NBAS: variants seen among roughly 807,000 people sequenced by gnomAD.
NBAS encodes NBAS subunit of NRZ tethering complex.
A neutral mutation model predicts 302.5 loss-of-function variants in NBAS; 219 were observed. The observed-to-expected ratio is 0.72, with a 90% CI of 0.65 to 0.81. The LOEUF (loss-of-function observed/expected upper bound fraction) is 0.81. NBAS is among the 30% of genes least tolerant of loss of function. NBAS has a pLI of 0.00. For synonymous variants in NBAS, 1,118 were observed against 1,021.6 expected, an observed-to-expected ratio of 1.09 and a Z score of -1.80; for missense variants, 2,932 against 2,841.6, an observed-to-expected ratio of 1.03 and a Z score of -0.72.
chr2:15,524,223 C>T (rs776385623), intron 9 of NBAS, among the ~76,000 whole-genome samples: 5 of 152,172 alleles, frequency 3.3e-5, no homozygotes, highest in Non-Finnish European at 4.4e-5. Flanking sequence ...CATCATGCTG[C>T]CCTATTCGGG....
chr2:15,382,209 G>A (rs529015434), intron 29 of NBAS, among the ~76,000 whole-genome samples: 20 of 152,150 alleles, frequency 1.3e-4, no homozygotes, highest in Non-Finnish European at 2.5e-4. Context: ...GGACACACGC[G>A]TGCACGCACA....
chr2:14,862,739 G>A, the NBAS span, among the ~76,000 whole-genome samples: 1 of 152,212 alleles, frequency 6.6e-6, no homozygotes, highest in Non-Finnish European at 1.5e-5. Flanking sequence ...TTAAGGTAAT[G>A]TTAGATGCTA....
chr2:15,397,444 C>T, intron 26 of NBAS: 2 of 454,664 alleles, frequency 4.4e-6, no homozygotes, highest in Admixed American at 5.5e-5. Flanking sequence ...CTTACATGGG[C>T]TTTGGTGGGG....
chr2:15,211,578 T>C (rs1666413049), intron 48 of NBAS, among the ~76,000 whole-genome samples: 1 of 152,222 alleles, frequency 6.6e-6, no homozygotes, highest in African/African-American at 2.4e-5. Flanking sequence ...GTGACAATTT[T>C]TTTTCCTTTT....
chr2:15,067,672 T>G, the NBAS span, among the ~76,000 whole-genome samples: 2 of 151,336 alleles, frequency 1.3e-5, 1 homozygote, highest in South Asian at 4.2e-4. Flanking sequence ...TTAGGGGCTG[T>G]GGGGGAGGGG....
At chr2:15,323,524 G>C (rs1259723705) in intron 38 of NBAS, among the ~76,000 whole-genome samples, 1 of 152,128 alleles carries the variant, frequency 6.6e-6, no homozygotes. Context: ...TCTTCACTAT[G>C]GTTTCACAAC....
At chr2:14,963,912 C>T in the NBAS span, among the ~76,000 whole-genome samples, 17 of 152,216 alleles carry the variant, frequency 1.1e-4, no homozygotes, top group Non-Finnish European at 2.5e-4. Flanking sequence ...TGGAACATCT[C>T]ATAATTCATG....
intron 26 of NBAS, among the ~76,000 whole-genome samples, chr2:15,399,555 C>G (rs867520612): frequency 6.6e-6 from 1 of 152,064 alleles, no homozygotes; most frequent in Non-Finnish European, 1.5e-5. Context: ...TGTGAGGTAG[C>G]CTGTGTTCAG....
the NBAS span, among the ~76,000 whole-genome samples, chr2:15,107,636 A>G: frequency 6.6e-6 from 1 of 152,146 alleles, no homozygotes; most frequent in Non-Finnish European, 1.5e-5. Flanking sequence ...TTGACCACCT[A>G]CTATGTGCCA....
At chr2:15,531,807 C>T (rs889607980) in intron 9 of NBAS, among the ~76,000 whole-genome samples, 1 of 152,174 alleles carries the variant, frequency 6.6e-6, no homozygotes, top group African/African-American at 2.4e-5. Flanking sequence ...ATACCCTCAC[C>T]TATTCCAAGT....
intron 48 of NBAS, among the ~76,000 whole-genome samples, chr2:15,200,732 T>C (rs1278236553): frequency 1.3e-5 from 2 of 152,218 alleles, no homozygotes; most frequent in Non-Finnish European, 2.9e-5. Context: ...GTTGTGTATG[T>C]CAATTTGTCA....
chr2:15,322,987 A>T (rs1437706512), intron 38 of NBAS, among the ~76,000 whole-genome samples: 1 of 152,200 alleles, frequency 6.6e-6, no homozygotes, highest in East Asian at 1.9e-4. Flanking sequence ...TTTTAATATA[A>T]ATTGTAAGTG....
chr2:15,213,677 A>C (rs1050986046), intron 48 of NBAS, among the ~76,000 whole-genome samples: 1 of 152,088 alleles, frequency 6.6e-6, no homozygotes, highest in East Asian at 1.9e-4. Flanking sequence ...GAGGATGGTA[A>C]CCACTTTGCA....
chr2:15,296,648 T>G (rs976961861), intron 40 of NBAS, among the ~76,000 whole-genome samples: 1 of 152,064 alleles, frequency 6.6e-6, no homozygotes, highest in East Asian at 1.9e-4. Context: ...CTGGGCAACA[T>G]AGTGAGACCC....
At position 15,330,794 on chromosome 2, in the gene NBAS, C is replaced by T. The variant is rs200609223; in HGVS notation, c.4180-29G>A. The T allele has an allele frequency of 7.5e-4, 1,206 of 1,607,938 alleles. 1 individual carries two copies. The highest frequency in any genetic ancestry group is 8.9e-4 in the Non-Finnish European group (1,053 of 1,177,164). On this transcript the variant is annotated intron_variant, in intron 35 of 51. Transcript: ENST00000281513. ...TATTAAAGAAACAAAATAGCAAGGG[C>T]AAAAATGCATTACCATAAGAACAGA... is the stretch of plus-strand genomic sequence containing the variant.
chr2:15,187,595 G>A (rs1665149835), intron 49 of NBAS, among the ~76,000 whole-genome samples: 1 of 152,106 alleles, frequency 6.6e-6, no homozygotes, highest in African/African-American at 2.4e-5. Context: ...CCCTTGTCTT[G>A]ACTGACACTA....
chr2:14,789,005 G>T, the NBAS span, among the ~76,000 whole-genome samples: 2 of 152,240 alleles, frequency 1.3e-5, no homozygotes, highest in Non-Finnish European at 2.9e-5. Flanking sequence ...CTTCCTGGCT[G>T]CTTTGTTTAC....
chr2:15,105,425 T>C, the NBAS span, among the ~76,000 whole-genome samples: 1 of 151,066 alleles, frequency 6.6e-6, no homozygotes, highest in African/African-American at 2.4e-5. Flanking sequence ...AAAAAGTTGA[T>C]AATTATTACG....
chr2:14,807,034 A>G, the NBAS span, among the ~76,000 whole-genome samples: 6 of 152,152 alleles, frequency 3.9e-5, no homozygotes, highest in Non-Finnish European at 8.8e-5. Flanking sequence ...CAGAAAAAAA[A>G]CAAAACAAAA....
Sources: gnomAD v4.1 joint callset for allele counts (sites outside exome capture counted in the v4.1 genomes callset) on GRCh38, gnomAD v4.1.1 for gene constraint, MANE v1.5 for transcripts, NCBI Gene and HGNC (gene_info 2026-07-23, HGNC 2026-07-21) for gene names.